DLGAP2: variants seen among roughly 807,000 people sequenced by gnomAD.
DLGAP2 encodes DLG associated protein 2.
In DLGAP2, 26 loss-of-function variants were observed where a neutral mutation model predicts 100.3. The ratio of observed to expected loss-of-function variants is 0.26; its 90% CI spans 0.19 to 0.36. The LOEUF (loss-of-function observed/expected upper bound fraction) is 0.36. Among genes scored for constraint, DLGAP2 ranks in the 10% least tolerant of loss-of-function variants. The probability of loss-of-function intolerance (pLI) is 1.00; values close to 1 mark genes in which losing one functional copy is unlikely to be tolerated. For missense variants in DLGAP2, 1,858 were observed against 1,453.2 expected (o/e 1.28, Z -4.53); for synonymous variants, 886 against 630.1 (o/e 1.41, Z -6.08).
rs529057769 is a variant in DLGAP2 at position 1,024,999 on chromosome 8, C to T, written c.73+117033C>T. On this transcript the variant is annotated intron_variant, in intron 2 of 14. Coordinates refer to ENST00000637795, the MANE Select transcript of DLGAP2 (RefSeq NM_001346810.2). ...GGCTGCCTTTTTCCACAAGAGTAGCCGTTCTCTCTCTCTCTGTGTCTCTGC... is the reference window on the plus strand; with the variant it reads ...GGCTGCCTTTTTCCACAAGAGTAGCTGTTCTCTCTCTCTCTGTGTCTCTGC... Among the ~76,000 whole-genome samples the T allele has an allele frequency of 9.2e-5, 14 of 152,124 alleles. No individual in the cohort carries two copies. In the East Asian group the frequency reaches 2.3e-3, roughly 25 times the overall value.
intron 2 of DLGAP2, 104 bp downstream of exon 2, chr8:908,070 T>C (rs1219534320): frequency 5.1e-6 from 2 of 395,684 alleles, no homozygotes; most frequent in Non-Finnish European, 8.9e-6. Flanking sequence ...ATTTTTATTT[T>C]GTGGGTTGTT....
chr8:1,595,116 C>T (rs1473097073), intron 6 of DLGAP2, among the ~76,000 whole-genome samples: 1 of 152,072 alleles, frequency 6.6e-6, no homozygotes, highest in East Asian at 1.9e-4. Flanking sequence ...TCTCAGCCCA[C>T]TGCAGCCTCA....
intron 3 of DLGAP2, among the ~76,000 whole-genome samples, chr8:1,426,691 G>T (rs1364382182): frequency 6.6e-6 from 1 of 152,154 alleles, no homozygotes; most frequent in African/African-American, 2.4e-5. Flanking sequence ...AAGGAGCAAG[G>T]ATTAGACCAA....
chr8:1,345,341 A>C (rs774582949), intron 3 of DLGAP2, among the ~76,000 whole-genome samples: 1 of 152,190 alleles, frequency 6.6e-6, no homozygotes, highest in Non-Finnish European at 1.5e-5. Context: ...TTCGCCAAAC[A>C]CACTTGTTAG....
At chr8:1,572,536 T>C (rs1368426485) in intron 6 of DLGAP2, among the ~76,000 whole-genome samples, 1 of 47,478 alleles carries the variant, frequency 2.1e-5, no homozygotes, top group African/African-American at 8.7e-5. Flanking sequence ...GGGTGAACTG[T>C]GGGGGCGTCT....
At chr8:904,496 G>A (rs574511304) in intron 1 of DLGAP2, among the ~76,000 whole-genome samples, 21 of 152,314 alleles carry the variant, frequency 1.4e-4, no homozygotes, top group Admixed American at 1.3e-3. Flanking sequence ...CTCCAGCCTG[G>A]GCGATAGAAC....
chr8:1,317,272 C>G (rs56009755), intron 3 of DLGAP2, among the ~76,000 whole-genome samples: 18,633 of 125,950 alleles, frequency 0.15, 901 homozygotes, highest in African/African-American at 0.2. Flanking sequence ...GTCTCTCCAA[C>G]AGTGGTCTAC....
chr8:1,322,946 G>C (rs1362164148), intron 3 of DLGAP2, among the ~76,000 whole-genome samples: 2 of 151,958 alleles, frequency 1.3e-5, no homozygotes, highest in Non-Finnish European at 2.9e-5. Flanking sequence ...CTCCTTGTAA[G>C]TTGTCTTATT....
At chr8:1,254,931 G>A (rs535206837) in intron 2 of DLGAP2, among the ~76,000 whole-genome samples, 36 of 148,872 alleles carry the variant, frequency 2.4e-4, no homozygotes, top group African/African-American at 7.9e-4. Context: ...CTGTGTGTGT[G>A]CCCTCTCCTG....
intron 2 of DLGAP2, chr8:1,018,946 G>A (rs1801550838): frequency 6.6e-6 from 1 of 152,138 alleles, no homozygotes; most frequent in Non-Finnish European, 1.5e-5. Flanking sequence ...TTCACCATGT[G>A]GGTTTACATG....
At chr8:1,012,988 G>A (rs779484900) in intron 2 of DLGAP2, among the ~76,000 whole-genome samples, 3 of 152,174 alleles carry the variant, frequency 2.0e-5, no homozygotes, top group Non-Finnish European at 4.4e-5. Flanking sequence ...TTTTGCAGAT[G>A]AGGAAGTTGA....
At chr8:1,121,208 G>C (rs954772853) in intron 2 of DLGAP2, among the ~76,000 whole-genome samples, 1 of 141,414 alleles carries the variant, frequency 7.1e-6, no homozygotes, top group African/African-American at 2.7e-5. Flanking sequence ...TGGAACCCAT[G>C]ACCTCCCATC....
intron 2 of DLGAP2, among the ~76,000 whole-genome samples, chr8:1,126,494 G>C (rs1011438734): frequency 6.6e-6 from 1 of 151,900 alleles, no homozygotes; most frequent in African/African-American, 2.4e-5. Context: ...TGAGGGGCTG[G>C]GATCTCTCAT....
chr8:981,523 G>A (rs533455175), intron 2 of DLGAP2, among the ~76,000 whole-genome samples: 15 of 152,012 alleles, frequency 9.9e-5, no homozygotes, highest in Non-Finnish European at 1.3e-4. Context: ...CAGCAGCTGC[G>A]CCGTTTTACA....
intron 2 of DLGAP2, among the ~76,000 whole-genome samples, chr8:1,148,975 T>C (rs1321455841): frequency 6.6e-6 from 1 of 152,208 alleles, no homozygotes; most frequent in Non-Finnish European, 1.5e-5. Flanking sequence ...ATCTTATATT[T>C]TCGGATTAAT....
intron 1 of DLGAP2, among the ~76,000 whole-genome samples, chr8:827,521 AG>A (rs1261851156): frequency 1.3e-5 from 2 of 152,212 alleles, no homozygotes; most frequent in African/African-American, 4.8e-5. Context: ...CGCTTTCTTC[AG>A]TAATTATTGC....
intron 2 of DLGAP2, among the ~76,000 whole-genome samples, chr8:1,224,376 C>T (rs1585166869): frequency 2.6e-5 from 4 of 152,124 alleles, no homozygotes; most frequent in Non-Finnish European, 4.4e-5. Context: ...AGAACAGAGC[C>T]TGCTTGGCAG....
chr8:1,437,247 C>T (rs538865429), intron 3 of DLGAP2, among the ~76,000 whole-genome samples: 5 of 151,594 alleles, frequency 3.3e-5, no homozygotes, highest in African/African-American at 1.2e-4. Flanking sequence ...AGCCCAGGCG[C>T]GTAAGGGTGA....
At chr8:1,480,663 A>G (rs547327229) in intron 3 of DLGAP2, among the ~76,000 whole-genome samples, 14 of 150,298 alleles carry the variant, frequency 9.3e-5, no homozygotes, top group Admixed American at 8.7e-4. Flanking sequence ...CAGCCTGACC[A>G]ATGTGGTGAA....
Sources: gnomAD v4.1 joint callset for allele counts (sites outside exome capture counted in the v4.1 genomes callset) on GRCh38, gnomAD v4.1.1 for gene constraint, MANE v1.5 for transcripts, NCBI Gene and HGNC (gene_info 2026-07-23, HGNC 2026-07-21) for gene names.